Variants in PYGB observed in about 807,000 individuals in gnomAD.
PYGB encodes glycogen phosphorylase B.
PYGB carries 82 observed loss-of-function variants against 94.3 expected under a neutral mutation model. The ratio of observed to expected loss-of-function variants is 0.87; its 90% CI spans 0.73 to 1.04. The LOEUF is 1.04. Ranked by LOEUF, PYGB falls within the 50% of genes least tolerant of loss-of-function variation. The pLI is 0.00. For synonymous variants in PYGB, 488 were observed against 479.1 expected (o/e 1.02, Z -0.24); for missense variants, 1,132 against 1,158.2 (o/e 0.98, Z 0.33).
rs749385588 is a variant in PYGB, at chr20:25,248,132, C to T, written c.-47C>T. 17 of 1,519,748 alleles carry T rather than the reference C, an allele frequency of 1.1e-5. No homozygotes were observed. In the Middle Eastern group the frequency reaches 6.3e-4, roughly 57 times the overall value. 94.1% of individuals were successfully genotyped at this position (1,519,748 alleles called of 1,614,324 possible). Reference sequence around the variant, plus strand: ...TGCACCATCCCGGCGTTCGCGTGTGCCGCCGCTTTCCTCCTCCATCTCTTT... The same window carrying T: ...TGCACCATCCCGGCGTTCGCGTGTGTCGCCGCTTTCCTCCTCCATCTCTTT... On this transcript the variant is annotated 5_prime_UTR_variant, in exon 1 of 20. Transcript: ENST00000216962.
chr20:25,282,705 G>GA (rs1330114674), intron 12 of PYGB, among the ~76,000 whole-genome samples: 6 of 152,344 alleles, frequency 3.9e-5, no homozygotes, highest in Admixed American at 3.3e-4. Context: ...CTGGGACCTG[G>GA]AAAGCAGCGT....
chr20:25,270,592 G>A (rs1444330847), intron 3 of PYGB, among the ~76,000 whole-genome samples: 1 of 151,986 alleles, frequency 6.6e-6, no homozygotes, highest in Admixed American at 6.6e-5. Context: ...CAACCTCTTG[G>A]GCTCAAGCAA....
chr20:25,251,172 G>A (rs2092886901), intron 1 of PYGB: 1 of 152,222 alleles, frequency 6.6e-6, no homozygotes, highest in Admixed American at 6.5e-5. Flanking sequence ...GGTGGCGGTT[G>A]GTCATGAAGA....
chr20:25,295,090 G>A, intron 18 of PYGB: 1 of 1,522,804 alleles, frequency 6.6e-7, no homozygotes. Context: ...GTGTGCTTCT[G>A]ACTCGATAGT....
intron 8 of PYGB, 122 bp downstream of exon 8, chr20:25,278,584 G>T (rs2088336221): frequency 1.5e-6 from 2 of 1,354,238 alleles, no homozygotes; most frequent in Non-Finnish European, 2.0e-6. Flanking sequence ...TTGTCTTGGG[G>T]TCTCGTCATT....
At chr20:25,279,774 G>A (rs995598650) in intron 9 of PYGB, among the ~76,000 whole-genome samples, 9 of 152,000 alleles carry the variant, frequency 5.9e-5, no homozygotes, top group African/African-American at 1.9e-4. Context: ...TTTTAACTCC[G>A]TTTTGTAGAA....
At chr20:25,275,399 G>A (rs1452639578) in intron 5 of PYGB, among the ~76,000 whole-genome samples, 1 of 152,224 alleles carries the variant, frequency 6.6e-6, no homozygotes, top group East Asian at 1.9e-4. Flanking sequence ...GGCAGGGCAG[G>A]GGCTGGCAGG....
At chr20:25,273,548 C>T (rs985116245) in intron 4 of PYGB, among the ~76,000 whole-genome samples, 1 of 152,208 alleles carries the variant, frequency 6.6e-6, no homozygotes, top group East Asian at 1.9e-4. Flanking sequence ...CTTCAGAATC[C>T]GCCCTTGCTG....
chr20:25,256,936 G>A (rs1436795162), intron 1 of PYGB, among the ~76,000 whole-genome samples: 1 of 152,188 alleles, frequency 6.6e-6, no homozygotes, highest in African/African-American at 2.4e-5. Flanking sequence ...GTCTGGTATG[G>A]TGAGGGGAAC....
intron 1 of PYGB, among the ~76,000 whole-genome samples, chr20:25,253,466 A>G (rs758474444): frequency 6.6e-6 from 1 of 151,622 alleles, no homozygotes. Flanking sequence ...AGCCTGACCA[A>G]TATGGTGAAA....
chr20:25,265,666 C>G (rs1356478316), intron 2 of PYGB, among the ~76,000 whole-genome samples: 1 of 147,224 alleles, frequency 6.8e-6, no homozygotes, highest in Non-Finnish European at 1.5e-5. Context: ...GTGATCTCGG[C>G]TCACTGCAGG....
Position 25,292,529 on chromosome 20 carries a change from T to C in PYGB, c.2093T>C (p.Val698Ala), listed in dbSNP as rs543152186. The C allele has an allele frequency of 4.3e-6, 7 of 1,613,464 alleles. No individual in the cohort carries two copies. The Admixed American group carries it at 1.2e-4, about 27-fold the overall frequency. The change falls in exon 17 of 20, where the codon GTG (valine) becomes GCG (alanine). Residue 698 changes from valine (V) to alanine (A), a missense_variant. Transcript: ENST00000216962. ...LTIGTMDGAN[V>A]EMAEEAGAEN... The stretch of plus-strand genomic sequence containing the variant: ...ATCGGCACCATGGACGGCGCCAACG[T>C]GGAGATGGCCGAGGAGGCCGGGGCC...
At position 25,280,341 on chromosome 20, in the gene PYGB, G is replaced by A. The variant is rs768689462; in HGVS notation, c.1168G>A (p.Val390Met). ...VLPEALERWP[V>M]SMFEKLLPRH... ...GCCTGAGGCCTTGGAGCGCTGGCCCGTGTCCATGTTTGAGAAGCTGCTGCC... is the reference window on the plus strand; with the variant it reads ...GCCTGAGGCCTTGGAGCGCTGGCCCATGTCCATGTTTGAGAAGCTGCTGCC... Residue 390 changes from valine (V) to methionine (M), a missense_variant, in exon 10 of 20, where the codon GTG becomes ATG. Transcript: ENST00000216962. The A allele has an allele frequency of 1.2e-5, 20 of 1,613,952 alleles. No homozygotes were observed. The highest frequency in any genetic ancestry group is 5.5e-5 in the South Asian group (5 of 91,086).
intron 2 of PYGB, among the ~76,000 whole-genome samples, chr20:25,263,935 T>G (rs1012165513): frequency 5.3e-5 from 8 of 152,012 alleles, no homozygotes; most frequent in Non-Finnish European, 1.2e-4. Flanking sequence ...ATTTTATGAG[T>G]CCAGCATCAT....
At chr20:25,288,711 G>A (rs983456594) in intron 15 of PYGB, 1 of 576,350 alleles carries the variant, frequency 1.7e-6, no homozygotes, top group East Asian at 2.9e-5. Context: ...AGCCTAGAGG[G>A]CCAGTCCCCA....
At chr20:25,273,856 A>AT (rs1275196747) in intron 4 of PYGB, among the ~76,000 whole-genome samples, 4 of 151,458 alleles carry the variant, frequency 2.6e-5, no homozygotes, top group African/African-American at 4.9e-5. Flanking sequence ...TAATTTAATA[A>AT]TTTTTTTTTA....
chr20:25,248,914 T>C lies in PYGB; in HGVS notation c.243+493T>C, dbSNP rs559022848. Among the ~76,000 whole-genome samples, 18 of 152,338 alleles carry C rather than the reference T, an allele frequency of 1.2e-4. No individual in the cohort carries two copies. In the South Asian group the frequency reaches 3.7e-3, roughly 32 times the overall value. ...TGAGACTTTTTTTTGTGTACGCTGC[T>C]TAGAAGAAAATCACTGAAGATGCCT... On this transcript the variant is annotated intron_variant, in intron 1 of 19. Coordinates refer to ENST00000216962, the MANE Select transcript of PYGB (RefSeq NM_002862.4).
At chr20:25,283,579 G>T (rs1320209320) in intron 13 of PYGB, among the ~76,000 whole-genome samples, 1 of 152,236 alleles carries the variant, frequency 6.6e-6, no homozygotes, top group African/African-American at 2.4e-5. Context: ...CTGTATGGAA[G>T]CCTCTAGAAG....
rs769880556 is a variant in PYGB, at chr20:25,278,458, A to G, written c.995A>G (p.Asp332Gly). The G allele has an allele frequency of 3.7e-6, 6 of 1,614,116 alleles. No homozygotes were observed. In the East Asian group the frequency reaches 1.1e-4, roughly 30 times the overall value. Residue 332 changes from aspartate (D) to glycine (G), a missense_variant, in exon 8 of 20, where the codon GAC becomes GGC. Transcript: ENST00000216962. ...PVRTCFETFP[D>G]KVAIQLNDTH... is the part of the protein sequence containing the mutation. ...AGAACCTGTTTCGAGACGTTCCCAG[A>G]CAAGGTGCATGGTGGCCCTGGGAGG...
Sources: gnomAD v4.1 joint callset for allele counts (sites outside exome capture counted in the v4.1 genomes callset) on GRCh38, gnomAD v4.1.1 for gene constraint, MANE v1.5 for transcripts, NCBI Gene and HGNC (gene_info 2026-07-23, HGNC 2026-07-21) for gene names.